Variants in SUMF1 observed in about 807,000 individuals in gnomAD.
The protein encoded by SUMF1 is sulfatase modifying factor 1, also known as formylglycine-generating enzyme.
A neutral mutation model predicts 47.6 loss-of-function variants in SUMF1; 48 were observed. That is an observed-to-expected ratio of 1.01 (90% confidence interval 0.80 to 1.28). SUMF1 has a LOEUF of 1.28. SUMF1 is among the 50% of genes most tolerant of loss of function. SUMF1 has a pLI of 0.00. For missense variants in SUMF1, 571 were observed against 485.4 expected (o/e 1.18, Z -1.66); for synonymous variants, 230 against 192.1 (o/e 1.20, Z -1.63).
intron 7 of SUMF1, among the ~76,000 whole-genome samples, chr3:4,384,527 C>G (rs1559263041): frequency 6.6e-6 from 1 of 152,168 alleles, no homozygotes; most frequent in Non-Finnish European, 1.5e-5. Context: ...CCTTCCCACT[C>G]CTATAATTTT....
chr3:4,449,877 CTGAT>C (rs1373951916), intron 2 of SUMF1, among the ~76,000 whole-genome samples: 1 of 152,172 alleles, frequency 6.6e-6, no homozygotes, highest in African/African-American at 2.4e-5. Flanking sequence ...CTTCATCCAC[CTGAT>C]TATTTTTGTT....
rs759486227 is a variant in SUMF1 at position 4,452,973 on chromosome 3, G to A, written c.347C>T (p.Ala116Val). 31 of 1,613,924 alleles carry A rather than the reference G, an allele frequency of 1.9e-5. No homozygotes were observed. The Admixed American group carries it at 3.7e-4, about 19-fold the overall frequency. Reference protein sequence around the residue: ...PQIKQDGEAPARRVTIDAFYM... With the variant: ...PQIKQDGEAPVRRVTIDAFYM... ...AAAGGCATCAATAGTAACTCTCCTC[G>A]CAGGTGCTTCCCCATCCTGCTTTAT... Residue 116 changes from alanine (A) to valine (V), a missense_variant, in exon 2 of 9, where the codon GCG becomes GTG. Ala to Val is a moderately conservative substitution (Grantham distance 64). Coordinates refer to ENST00000272902, the MANE Select transcript of SUMF1 (RefSeq NM_182760.4).
downstream of SUMF1, among the ~76,000 whole-genome samples, chr3:4,356,500 G>A (rs1389855009): frequency 1.3e-5 from 2 of 152,046 alleles, no homozygotes; most frequent in African/African-American, 2.4e-5. Context: ...GGCAAGCCAC[G>A]ACCCTTTCTT....
intron 8 of SUMF1, chr3:4,313,392 T>C (rs1425896210): frequency 1.9e-6 from 3 of 1,613,752 alleles, no homozygotes; most frequent in Non-Finnish European, 2.5e-6. Context: ...ATATAGGAAA[T>C]ATTGGAAGAT....
intron 8 of SUMF1, among the ~76,000 whole-genome samples, chr3:4,186,987 T>C (rs1695213191): frequency 6.6e-6 from 1 of 152,226 alleles, no homozygotes; most frequent in Non-Finnish European, 1.5e-5. Context: ...TAGCATAACA[T>C]ATTGCTAGTT....
chr3:4,053,064 A>G (rs1695139455), intron 9 of SUMF1, among the ~76,000 whole-genome samples: 1 of 152,170 alleles, frequency 6.6e-6, no homozygotes, highest in African/African-American at 2.4e-5. Flanking sequence ...ACTAAGCTTA[A>G]TCATTTCTAG....
intron 8 of SUMF1, among the ~76,000 whole-genome samples, chr3:4,347,967 A>T (rs1699407197): frequency 6.6e-6 from 1 of 152,188 alleles, no homozygotes; most frequent in Admixed American, 6.5e-5. Flanking sequence ...CTAGGAATAC[A>T]GCTAACAAGA....
rs573991143 is a variant in SUMF1 at position 4,262,548 on chromosome 3, G to A, written c.1014+113782C>T. ...ATCATCAGAATGTGATCCCTCTCTG[G>A]CTCCTGGCTCCGCTTTCCCCCATGT... On this transcript the variant is annotated intron_variant and NMD_transcript_variant, in intron 8 of 12. Transcript: ENST00000448413. Among the ~76,000 whole-genome samples, 4 of 152,242 alleles carry A rather than the reference G, an allele frequency of 2.6e-5. No homozygotes were observed. The East Asian group carries it at 7.7e-4, about 29-fold the overall frequency.
At chr3:4,070,063 T>C (rs1412994452) in intron 8 of SUMF1, among the ~76,000 whole-genome samples, 3 of 152,164 alleles carry the variant, frequency 2.0e-5, no homozygotes, top group Non-Finnish European at 4.4e-5. Context: ...TATCTTAACC[T>C]GAACATTCCT....
intron 8 of SUMF1, among the ~76,000 whole-genome samples, chr3:4,096,954 C>A (rs993902730): frequency 2.6e-5 from 4 of 151,892 alleles, no homozygotes; most frequent in African/African-American, 9.7e-5. Context: ...TTCCTGGCAA[C>A]GAAATGAAAA....
At chr3:4,093,668 G>A (rs1481647120) in intron 8 of SUMF1, among the ~76,000 whole-genome samples, 1 of 152,008 alleles carries the variant, frequency 6.6e-6, no homozygotes, top group Admixed American at 6.6e-5. Context: ...GGATATAGAG[G>A]GGAAACAATA....
At chr3:4,114,612 T>C (rs1693381859) in intron 8 of SUMF1, among the ~76,000 whole-genome samples, 2 of 152,274 alleles carry the variant, frequency 1.3e-5, no homozygotes, top group South Asian at 2.1e-4. Flanking sequence ...CGTATCAGGT[T>C]AAACCACTTT....
At chr3:4,332,342 A>C (rs1404322654) in intron 8 of SUMF1, among the ~76,000 whole-genome samples, 2 of 152,228 alleles carry the variant, frequency 1.3e-5, no homozygotes, top group Admixed American at 6.5e-5. Flanking sequence ...GGCAACCCTA[A>C]ATTTACATTT....
chr3:4,244,202 A>G (rs1199216593), intron 8 of SUMF1, among the ~76,000 whole-genome samples: 1 of 151,592 alleles, frequency 6.6e-6, no homozygotes, highest in Non-Finnish European at 1.5e-5. Context: ...ATGAGTCTTT[A>G]CTCTATCCAA....
At chr3:4,060,758 G>A (rs1324324769) in intron 9 of SUMF1, among the ~76,000 whole-genome samples, 4 of 152,228 alleles carry the variant, frequency 2.6e-5, no homozygotes, top group Admixed American at 2.0e-4. Flanking sequence ...GAGGGACTAC[G>A]CATATGTAGT....
intron 8 of SUMF1, among the ~76,000 whole-genome samples, chr3:4,092,625 A>T (rs1423550013): frequency 6.6e-6 from 1 of 152,162 alleles, no homozygotes; most frequent in Non-Finnish European, 1.5e-5. Context: ...TCATACAAGA[A>T]AAACAACGAA....
intron 8 of SUMF1, among the ~76,000 whole-genome samples, chr3:4,345,931 G>C (rs942482610): frequency 2.0e-5 from 3 of 152,004 alleles, no homozygotes; most frequent in Non-Finnish European, 4.4e-5. Flanking sequence ...GACCAAAAAA[G>C]ACAAAGAAGG....
intron 8 of SUMF1, among the ~76,000 whole-genome samples, chr3:4,223,265 A>C (rs1156342008): frequency 6.6e-6 from 1 of 152,176 alleles, no homozygotes; most frequent in East Asian, 1.9e-4. Flanking sequence ...AATAGACTTC[A>C]GGATCAGACA....
At chr3:4,168,945 T>C (rs1439847861) in intron 8 of SUMF1, among the ~76,000 whole-genome samples, 1 of 152,190 alleles carries the variant, frequency 6.6e-6, no homozygotes, top group Non-Finnish European at 1.5e-5. Context: ...ATGGTAGATA[T>C]TGTTCCAGCA....
Sources: gnomAD v4.1 joint callset for allele counts (sites outside exome capture counted in the v4.1 genomes callset) on GRCh38, gnomAD v4.1.1 for gene constraint, MANE v1.5 for transcripts, NCBI Gene and HGNC (gene_info 2026-07-23, HGNC 2026-07-21) for gene names.